TBCA: variants seen among roughly 807,000 people sequenced by gnomAD.
TBCA encodes tubulin-specific chaperone A.
Under a neutral mutation model 15.8 loss-of-function variants are expected in TBCA, and 6 were observed. That is an observed-to-expected ratio of 0.38 (90% CI 0.21 to 0.75). TBCA has a LOEUF of 0.75. TBCA is among the 30% of genes least tolerant of loss of function. TBCA has a pLI of 0.46. For synonymous variants in TBCA, 32 were observed against 42.3 expected (o/e 0.76, Z 0.94); for missense variants, 90 against 131.2 (o/e 0.69, Z 1.53).
At chr5:77,774,783 T>C (rs937973275) in intron 1 of TBCA, among the ~76,000 whole-genome samples, 3 of 152,078 alleles carry the variant, frequency 2.0e-5, no homozygotes, top group South Asian at 2.1e-4. Context: ...TCTAAACTGA[T>C]TGAGACCTGT....
intron 1 of TBCA, among the ~76,000 whole-genome samples, chr5:77,742,783 G>A (rs1747083969): frequency 6.6e-6 from 1 of 152,148 alleles, no homozygotes; most frequent in Non-Finnish European, 1.5e-5. Context: ...TAGCTCTTCT[G>A]TTCTTTGTTT....
At chr5:77,708,694 C>T (rs956441502) in intron 1 of TBCA, 5 of 156,304 alleles carry the variant, frequency 3.2e-5, no homozygotes, top group Admixed American at 2.5e-4. Context: ...CTCAGCCTCC[C>T]GAGTAGCTGA....
chr5:77,712,571 A>T (rs568463544), intron 1 of TBCA, among the ~76,000 whole-genome samples: 1 of 152,290 alleles, frequency 6.6e-6, no homozygotes, highest in South Asian at 2.1e-4. Context: ...TTTATAAAAA[A>T]TTATAAAAAA....
intron 1 of TBCA, among the ~76,000 whole-genome samples, chr5:77,753,995 A>G (rs1243278539): frequency 1.3e-5 from 2 of 152,178 alleles, no homozygotes; most frequent in South Asian, 2.1e-4. Flanking sequence ...ACTTCAAGTG[A>G]TCTACCTACC....
rs143907982 is a variant in TBCA, at chr5:77,729,340, T to C, written c.54-20993A>G. ...AAAAAAAGGAGAGAGAGAAGCATAATACCATCACTGGAAAAGTGTTCTCCA... is the reference window on the plus strand; with the variant it reads ...AAAAAAAGGAGAGAGAGAAGCATAACACCATCACTGGAAAAGTGTTCTCCA... On this transcript the variant is annotated intron_variant, in intron 1 of 3. Transcript: ENST00000380377. Among the ~76,000 whole-genome samples, 395 of 152,034 alleles carry C rather than the reference T, an allele frequency of 2.6e-3. 4 individuals are homozygous for C. The highest frequency in any genetic ancestry group is 8.9e-3 in the African/African-American group (368 of 41,484).
intron 1 of TBCA, among the ~76,000 whole-genome samples, chr5:77,709,259 A>G (rs992086380): frequency 1.3e-4 from 20 of 152,208 alleles, no homozygotes; most frequent in Non-Finnish European, 1.5e-5. Context: ...TTTACTTACT[A>G]AAGTAAGAAA....
Position 77,757,040 on chromosome 5 carries a change from G to C in TBCA, c.53+19165C>G, listed in dbSNP as rs1747492162. Among the ~76,000 whole-genome samples, 6 of 152,248 alleles carry C rather than the reference G, an allele frequency of 3.9e-5. No homozygotes were observed. In the South Asian group the frequency reaches 1.2e-3, roughly 32 times the overall value. On this transcript the variant is annotated intron_variant, in intron 1 of 3. Coordinates refer to ENST00000380377, the MANE Select transcript of TBCA (RefSeq NM_004607.3). Reference sequence around the variant, plus strand: ...GACAGGAAACAAATACAGAAACCAAGTGCTTGGTTTTATTCTGGTTTTCTT... The same window carrying C: ...GACAGGAAACAAATACAGAAACCAACTGCTTGGTTTTATTCTGGTTTTCTT...
At chr5:77,692,631 C>T in intron 3 of TBCA, 1 of 984,956 alleles carries the variant, frequency 1.0e-6, no homozygotes, top group South Asian at 4.7e-5. Context: ...TTCTCAGCTA[C>T]TAGATTCATG....
In TBCA at chr5:77,756,975, A is replaced by G. The variant is rs543389799; in HGVS notation, c.53+19230T>C. 1.2e-3 allele frequency among the ~76,000 whole-genome samples: 177 copies of G among 152,350 alleles called. 6 individuals carry two copies. The South Asian group carries it at 0.035, about 30-fold the overall frequency. ...GATGGCAAAAGGGGTAAGGAGCAAT[A>G]GAGTGTAAGAAAAGTAATGAAAGAA... On this transcript the variant is annotated intron_variant, in intron 1 of 3. Transcript: ENST00000380377.
intron 1 of TBCA, among the ~76,000 whole-genome samples, chr5:77,719,046 A>G (rs185912720): frequency 9.9e-4 from 151 of 152,316 alleles, no homozygotes; most frequent in African/African-American, 3.3e-3. Context: ...CCAAGGTGTG[A>G]AAATATGTCT....
chr5:77,729,206 C>G (rs544084997), intron 1 of TBCA, among the ~76,000 whole-genome samples: 9 of 151,760 alleles, frequency 5.9e-5, no homozygotes, highest in Non-Finnish European at 1.0e-4. Flanking sequence ...CCTAGCTATT[C>G]GGGAGGCTAA....
At chr5:77,714,395 A>G (rs1001793915) in intron 1 of TBCA, among the ~76,000 whole-genome samples, 13 of 152,258 alleles carry the variant, frequency 8.5e-5, no homozygotes, top group Admixed American at 2.0e-4. Context: ...GGTCATCTGT[A>G]AAAGGAAGAA....
At chr5:77,763,015 A>C (rs1031638878) in intron 1 of TBCA, among the ~76,000 whole-genome samples, 1 of 152,138 alleles carries the variant, frequency 6.6e-6, no homozygotes, top group Non-Finnish European at 1.5e-5. Flanking sequence ...AGGCCGAGGC[A>C]GGCGGATCAC....
At chr5:77,751,674 C>T (rs535212773) in intron 1 of TBCA, among the ~76,000 whole-genome samples, 10 of 152,308 alleles carry the variant, frequency 6.6e-5, no homozygotes, top group African/African-American at 2.4e-4. Context: ...AAGGGGTTCA[C>T]CCTGCCCACT....
intron 2 of TBCA, among the ~76,000 whole-genome samples, chr5:77,704,738 T>C (rs1746108183): frequency 6.6e-6 from 1 of 152,180 alleles, no homozygotes; most frequent in African/African-American, 2.4e-5. Context: ...GAAATGTATG[T>C]AGGTTGGCTA....
chr5:77,730,579 A>C (rs76817536), intron 1 of TBCA, among the ~76,000 whole-genome samples: 1 of 75,770 alleles, frequency 1.3e-5, no homozygotes, highest in Non-Finnish European at 4.1e-5. Context: ...TTTTTTTAGA[A>C]ATACATGGGA....
chr5:77,694,172 A>C (rs532118711), intron 2 of TBCA: 63 of 152,332 alleles, frequency 4.1e-4, no homozygotes, highest in African/African-American at 1.5e-3. Context: ...TGAAAGAGAG[A>C]GGTAAAGAAA....
At chr5:77,701,279 G>C (rs1168127544) in intron 2 of TBCA, among the ~76,000 whole-genome samples, 1 of 151,982 alleles carries the variant, frequency 6.6e-6, no homozygotes, top group Non-Finnish European at 1.5e-5. Context: ...CTCAAAAGAA[G>C]ACATACAAAT....
intron 1 of TBCA, among the ~76,000 whole-genome samples, chr5:77,730,480 G>A (rs1393760141): frequency 6.6e-6 from 1 of 152,162 alleles, no homozygotes; most frequent in Non-Finnish European, 1.5e-5. Context: ...ATAAATTTTA[G>A]TTGTTTTTAT....
Sources: allele counts gnomAD v4.1 joint callset (sites outside exome capture counted in the v4.1 genomes callset), GRCh38; gene constraint gnomAD v4.1.1; transcripts MANE v1.5; gene names NCBI Gene and HGNC (gene_info 2026-07-23, HGNC 2026-07-21).